The following CFAP92 variants were observed in gnomAD, a reference collection of about 807,000 sequenced individuals.
CFAP92 encodes the protein uncharacterized protein CFAP92.
In CFAP92, 86 loss-of-function variants were observed where a neutral mutation model predicts 106.3. The ratio of observed to expected loss-of-function variants is 0.81; its 90% CI spans 0.68 to 0.97. The LOEUF is 0.97. Ranked by LOEUF, CFAP92 falls within the 50% of genes least tolerant of loss-of-function variation. The probability of loss-of-function intolerance (pLI) is 0.00; values close to 1 mark genes in which losing one functional copy is unlikely to be tolerated. For synonymous variants in CFAP92, 477 were observed against 506.4 expected (o/e 0.94, Z 0.78); for missense variants, 1,204 against 1,283.8 (o/e 0.94, Z 0.95).
chr3:128,910,025 T>C lies in CFAP92; in HGVS notation c.*274A>G, dbSNP rs747463129. Reference sequence around the variant, plus strand: ...TTGGAGCCTCTGTGATCCCAGACCATCATGGAGGAGCAGCTGGTACTGAAG... The same window carrying C: ...TTGGAGCCTCTGTGATCCCAGACCACCATGGAGGAGCAGCTGGTACTGAAG... On this transcript the variant is annotated 3_prime_UTR_variant, in exon 16 of 16. Transcript: ENST00000645291. 1.4e-5 allele frequency: 22 copies of C among 1,613,418 alleles called. No homozygotes were observed. The highest frequency in any genetic ancestry group is 1.9e-5 in the Non-Finnish European group (22 of 1,179,912).
At chr3:128,956,230 A>AAATT (rs1941405894) in intron 9 of CFAP92, among the ~76,000 whole-genome samples, 1 of 70,336 alleles carries the variant, frequency 1.4e-5, no homozygotes, top group African/African-American at 1.4e-4. Flanking sequence ...AAAAAAAAAG[A>AAATT]AAATAGAAAG....
chr3:128,912,238 G>A (rs1936409469), intron 15 of CFAP92, among the ~76,000 whole-genome samples: 1 of 152,186 alleles, frequency 6.6e-6, no homozygotes, highest in Non-Finnish European at 1.5e-5. Flanking sequence ...TCACAGATGG[G>A]CTGTTTACGG....
At position 128,962,354 on chromosome 3, in the gene CFAP92, G is replaced by A. The variant is rs575861329; in HGVS notation, c.1353+3157C>T. Among the ~76,000 whole-genome samples the A allele has an allele frequency of 8.3e-4, 126 of 152,198 alleles. 1 individual carries two copies. The highest frequency in any genetic ancestry group is 3.0e-3 in the African/African-American group (125 of 41,502). On this transcript the variant is annotated intron_variant, in intron 9 of 15. Transcript: ENST00000645291. Reference sequence around the variant, plus strand: ...TCCATAACTGTTGTGGGTATTGACAGACAGGCTTCTAAACCTCTTAAAACT... The same window carrying A: ...TCCATAACTGTTGTGGGTATTGACAAACAGGCTTCTAAACCTCTTAAAACT...
intron 12 of CFAP92, among the ~76,000 whole-genome samples, chr3:128,928,774 A>G (rs1429210099): frequency 6.7e-6 from 1 of 149,802 alleles, no homozygotes; most frequent in African/African-American, 2.6e-5. Context: ...TGCTAACAGA[A>G]AAAACATAAA....
intron 9 of CFAP92, among the ~76,000 whole-genome samples, chr3:128,950,430 G>A (rs955380608): frequency 3.3e-5 from 5 of 152,224 alleles, no homozygotes; most frequent in Non-Finnish European, 7.3e-5. Context: ...CCTGGAAGGT[G>A]GAGTGAAACA....
upstream of CFAP92, among the ~76,000 whole-genome samples, chr3:128,995,179 A>T (rs953636250): frequency 1.3e-5 from 2 of 152,332 alleles, no homozygotes; most frequent in East Asian, 1.9e-4. Flanking sequence ...TTTGTGTCAA[A>T]GAGCAAAACT....
intron 4 of CFAP92, among the ~76,000 whole-genome samples, chr3:128,986,591 G>C (rs1025130571): frequency 6.6e-6 from 1 of 152,164 alleles, no homozygotes; most frequent in African/African-American, 2.4e-5. Flanking sequence ...AGTTTAGTTA[G>C]TAGCATTTAA....
chr3:129,010,430 C>T, the CFAP92 span, among the ~76,000 whole-genome samples: 4 of 148,546 alleles, frequency 2.7e-5, no homozygotes, highest in East Asian at 4.0e-4. This position sits in a 1 kb window ranked among gnomAD's most constrained non-coding sequence, Gnocchi z 4.3. Flanking sequence ...TCAGCTCAGC[C>T]GGAACAGGGA....
At chr3:128,981,531 A>G (rs1264668992) in intron 4 of CFAP92, among the ~76,000 whole-genome samples, 1 of 150,526 alleles carries the variant, frequency 6.6e-6, no homozygotes, top group Admixed American at 6.7e-5. Context: ...GGGTTTCACT[A>G]TGTTGGCCAC....
rs775502593 is a variant in CFAP92, at chr3:128,988,841, G to C, written c.340C>G (p.Arg114Gly). 6.2e-6 allele frequency: 10 copies of C among 1,613,594 alleles called. No homozygotes were observed. Among genetic ancestry groups the C allele is most frequent in the Non-Finnish European group, 7.6e-6 (9 of 1,179,614 alleles). The change falls in exon 3 of 16, where the codon CGT becomes GGT. Residue 114 changes from arginine (R) to glycine (G), a missense_variant. Transcript: ENST00000645291. Reference protein sequence around the residue: ...PKTDSSVTKMRRFYHIEYFLL... With the variant: ...PKTDSSVTKMGRFYHIEYFLL... The stretch of plus-strand genomic sequence containing the variant: ...AAATACTCAATGTGGTAAAAACGAC[G>C]CATCTTTGTAACAGAACTGTCTGTT...
At chr3:128,920,879 T>G (rs1937220092) in intron 12 of CFAP92, among the ~76,000 whole-genome samples, 1 of 152,224 alleles carries the variant, frequency 6.6e-6, no homozygotes, top group African/African-American at 2.4e-5. Context: ...ATAGATCGAT[T>G]GTGTCTTAAA....
At chr3:129,014,819 G>A in the CFAP92 span, among the ~76,000 whole-genome samples, 1 of 152,202 alleles carries the variant, frequency 6.6e-6, no homozygotes, top group African/African-American at 2.4e-5. The surrounding 1 kb of genome is among the most constrained non-coding windows in gnomAD (Gnocchi z 4.3). Flanking sequence ...GGGACGAGCA[G>A]GTTGGAGCCA....
chr3:128,966,100 C>T (rs1009298952), intron 8 of CFAP92, among the ~76,000 whole-genome samples: 3 of 152,198 alleles, frequency 2.0e-5, no homozygotes, highest in Non-Finnish European at 4.4e-5. Context: ...TGAAAACCAA[C>T]GTTCTAAACC....
At chr3:128,996,559 T>C (rs1474712967), upstream of CFAP92, among the ~76,000 whole-genome samples, 1 of 152,196 alleles carries the variant, frequency 6.6e-6, no homozygotes, top group Non-Finnish European at 1.5e-5. Context: ...CCTACCTCAG[T>C]GAAGATGGCT....
the CFAP92 span, among the ~76,000 whole-genome samples, chr3:129,012,712 T>TC: frequency 6.6e-6 from 1 of 152,088 alleles, no homozygotes; most frequent in Non-Finnish European, 1.5e-5. Context: ...GTGGGACAAC[T>TC]CCCAAAACGA....
At chr3:128,926,374 C>T (rs1022490827) in intron 12 of CFAP92, among the ~76,000 whole-genome samples, 1 of 152,066 alleles carries the variant, frequency 6.6e-6, no homozygotes, top group East Asian at 1.9e-4. Context: ...ATTAGCCAGG[C>T]ATGGTGGCAC....
At chr3:128,923,422 C>T (rs1937463514) in intron 12 of CFAP92, among the ~76,000 whole-genome samples, 1 of 152,196 alleles carries the variant, frequency 6.6e-6, no homozygotes, top group Admixed American at 6.5e-5. Flanking sequence ...ACAACAGATG[C>T]TTAATGGACC....
chr3:128,952,298 T>TA (rs71666021), intron 9 of CFAP92, among the ~76,000 whole-genome samples: 89,764 of 150,212 alleles, frequency 0.6, 29,284 homozygotes, highest in African/African-American at 0.88. Flanking sequence ...TCTAGCTAAT[T>TA]AAAATAAAAA....
chr3:128,941,414 A>G (rs546658497), intron 10 of CFAP92, among the ~76,000 whole-genome samples: 2 of 152,316 alleles, frequency 1.3e-5, no homozygotes, highest in African/African-American at 4.8e-5. Flanking sequence ...TCATTTCCAA[A>G]TAAGCATTTT....
Sources: allele counts gnomAD v4.1 joint callset (sites outside exome capture counted in the v4.1 genomes callset), GRCh38; gene constraint gnomAD v4.1.1; non-coding constraint Gnocchi (gnomAD v3.1); transcripts MANE v1.5; gene names NCBI Gene and HGNC (gene_info 2026-07-23, HGNC 2026-07-21).